Variants in TJP1 observed in about 807,000 individuals in gnomAD.
TJP1 encodes the protein tight junction protein 1, also known as tight junction protein ZO-1.
Under a neutral mutation model 194.2 loss-of-function variants are expected in TJP1, and 43 were observed. That is an observed-to-expected ratio of 0.22 (90% CI 0.17 to 0.29). TJP1 has a LOEUF of 0.29. Ranked by LOEUF, TJP1 falls within the 10% of genes least tolerant of loss-of-function variation. TJP1 has a pLI of 1.00. For synonymous variants in TJP1, 801 were observed against 779.0 expected (o/e 1.03, Z -0.47); for missense variants, 1,971 against 2,185.7 (o/e 0.90, Z 1.96).
intron 10 of TJP1, among the ~76,000 whole-genome samples, chr15:29,740,226 C>T (rs1274065379): frequency 3.3e-5 from 5 of 152,104 alleles, no homozygotes; most frequent in Non-Finnish European, 5.9e-5. Context: ...TCGCCCGCCT[C>T]GGCCTCCCAA....
At chr15:29,769,545 G>A (rs574052302) in intron 4 of TJP1, among the ~76,000 whole-genome samples, 2 of 152,306 alleles carry the variant, frequency 1.3e-5, no homozygotes, top group South Asian at 2.1e-4. Flanking sequence ...CTGTGAATGA[G>A]TGGGTTGGAT....
intron 2 of TJP1, among the ~76,000 whole-genome samples, chr15:29,905,336 A>C (rs901853967): frequency 6.6e-6 from 1 of 152,240 alleles, no homozygotes; most frequent in African/African-American, 2.4e-5. Flanking sequence ...TTTTAAAAGA[A>C]TGTTCCTCAC....
intron 10 of TJP1, 95 bp downstream of exon 10, chr15:29,741,236 A>T (rs2044393020): frequency 3.4e-6 from 3 of 895,182 alleles, no homozygotes; most frequent in Non-Finnish European, 3.4e-6. Context: ...GTACTATTTT[A>T]AAAAATATAT....
At chr15:29,700,114 A>G (rs979276292), downstream of TJP1, 1 of 396,618 alleles carries the variant, frequency 2.5e-6, no homozygotes, top group African/African-American at 2.1e-5. Context: ...AAGCTGCATG[A>G]AACTAGAAAA....
chr15:29,876,079 A>T (rs577811026), intron 2 of TJP1, among the ~76,000 whole-genome samples: 1 of 152,338 alleles, frequency 6.6e-6, no homozygotes, highest in South Asian at 2.1e-4. Context: ...CCATAGTCTC[A>T]TGTGGCTAGT....
intron 2 of TJP1, among the ~76,000 whole-genome samples, chr15:29,902,804 G>A (rs891343747): frequency 2.0e-5 from 3 of 152,114 alleles, no homozygotes; most frequent in Admixed American, 6.5e-5. Flanking sequence ...GGGAGACCAC[G>A]GCGGGTGGAT....
chr15:29,748,297 C>T (rs985053076), intron 8 of TJP1, among the ~76,000 whole-genome samples: 11 of 152,266 alleles, frequency 7.2e-5, no homozygotes, highest in South Asian at 2.1e-4. Flanking sequence ...CAATACACCT[C>T]GATTTGGACT....
rs377007469 is a variant in TJP1, at chr15:29,821,959, A to G, written c.27+43T>C. 4,418 of 1,223,986 alleles carry G rather than the reference A, an allele frequency of 3.6e-3. 191 individuals carry two copies. The East Asian group carries it at 0.1, about 28-fold the overall frequency. The allele number at this position is 1,223,986 out of a possible 1,614,324, so 75.8% of individuals were successfully genotyped here. A position where few individuals can be genotyped will look rare whatever the true frequency, so the allele number is the denominator to read the frequency against. On this transcript the variant is annotated intron_variant, in intron 1 of 27. Coordinates refer to ENST00000614355, the MANE Select transcript of TJP1 (RefSeq NM_001330239.4). ...GCCAGATGCCGGTGGGCGGGCGGCG[A>G]CGGTCGGCCCGGTCTGGCCCTGGCG...
chr15:29,774,503 C>T (rs1456766716), intron 2 of TJP1, among the ~76,000 whole-genome samples: 1 of 152,016 alleles, frequency 6.6e-6, no homozygotes, highest in Non-Finnish European at 1.5e-5. Flanking sequence ...AAACCAGTCA[C>T]AAAGGTTAAT....
intron 10 of TJP1, among the ~76,000 whole-genome samples, chr15:29,739,107 C>A (rs765891681): frequency 4.6e-5 from 7 of 152,060 alleles, no homozygotes; most frequent in Non-Finnish European, 1.0e-4. Flanking sequence ...TCTTCTAACC[C>A]TGACCCATCT....
intron 1 of TJP1, among the ~76,000 whole-genome samples, chr15:29,956,873 C>A (rs2055963736): frequency 6.7e-6 from 1 of 148,440 alleles, no homozygotes; most frequent in South Asian, 2.1e-4. Context: ...AAGAGTAAGA[C>A]CCTGTCTCAT....
chr15:29,710,284 T>C (rs1312357884), intron 24 of TJP1, among the ~76,000 whole-genome samples: 1 of 152,204 alleles, frequency 6.6e-6, no homozygotes, highest in Non-Finnish European at 1.5e-5. Flanking sequence ...ACACATCTGC[T>C]TGAAGACTCA....
intron 2 of TJP1, among the ~76,000 whole-genome samples, chr15:29,871,381 C>T (rs2052513273): frequency 6.6e-6 from 1 of 152,224 alleles, no homozygotes; most frequent in Admixed American, 6.5e-5. Flanking sequence ...CATCTCCTTC[C>T]AGCTCCCCTC....
rs79775466 is a variant in TJP1, at chr15:29,869,403, T to C, written c.307-68701A>G. 7.6e-3 allele frequency among the ~76,000 whole-genome samples: 1,153 copies of C among 152,288 alleles called. 12 individuals are homozygous for C. The highest frequency in any genetic ancestry group is 0.026 in the African/African-American group (1,076 of 41,550). ...TGGGAAAACATTTACTGAGATACTATTGAAGGGAGTGTGTGTTAGACGTGA... is the reference window on the plus strand; with the variant it reads ...TGGGAAAACATTTACTGAGATACTACTGAAGGGAGTGTGTGTTAGACGTGA... On this transcript the variant is annotated intron_variant, in intron 2 of 28. Transcript: ENST00000356107.
intron 2 of TJP1, among the ~76,000 whole-genome samples, chr15:29,849,198 C>T (rs2051538815): frequency 6.6e-6 from 1 of 152,114 alleles, no homozygotes; most frequent in Admixed American, 6.6e-5. Context: ...AATCTACATA[C>T]AGCACTTCTA....
chr15:29,742,494 C>T, intron 9 of TJP1, 148 bp downstream of exon 9: 3 of 812,842 alleles, frequency 3.7e-6, no homozygotes, highest in Non-Finnish European at 5.2e-6. Context: ...CAACCTGCTA[C>T]CCATAAGGAA....
intron 2 of TJP1, among the ~76,000 whole-genome samples, chr15:29,947,612 A>T (rs2055328429): frequency 6.6e-6 from 1 of 151,792 alleles, no homozygotes; most frequent in Non-Finnish European, 1.5e-5. Flanking sequence ...CCCATTTTCC[A>T]CCCTCCCTTA....
In TJP1 at chr15:29,820,800, G is replaced by A. The variant is rs76649990; in HGVS notation, c.27+1202C>T. On this transcript the variant is annotated intron_variant, in intron 1 of 27. Transcript: ENST00000614355. ...TTTAGATTGTTCTTCCTCAATGTAA[G>A]GTCAAAAGGTGCAAGTTAAATTTTT... The A allele has an allele frequency of 4.9e-3, 2,551 of 518,568 alleles. 60 individuals carry two copies. The highest frequency in any genetic ancestry group is 0.045 in the African/African-American group (2,366 of 52,920). The allele number at this position is 518,568 out of a possible 1,614,324, so 32.1% of individuals were successfully genotyped here. A position where few individuals can be genotyped will look rare whatever the true frequency, so the allele number is the denominator to read the frequency against.
intron 15 of TJP1, among the ~76,000 whole-genome samples, chr15:29,730,042 C>T (rs1017094026): frequency 6.6e-5 from 10 of 151,492 alleles, no homozygotes; most frequent in Admixed American, 2.6e-4. Flanking sequence ...TCGAAACAAA[C>T]GATATAAAAA....
Sources: allele counts gnomAD v4.1 joint callset (sites outside exome capture counted in the v4.1 genomes callset), GRCh38; gene constraint gnomAD v4.1.1; transcripts MANE v1.5; gene names NCBI Gene and HGNC (gene_info 2026-07-23, HGNC 2026-07-21).